The following GPC4 variants were observed in gnomAD, a reference collection of about 807,000 sequenced individuals.
The protein encoded by GPC4 is glypican-4.
In GPC4, 10 loss-of-function variants were observed where a neutral mutation model predicts 35.0. The ratio of observed to expected loss-of-function variants is 0.29; its 90% confidence interval spans 0.18 to 0.48. The LOEUF is 0.48. Among genes scored for constraint, GPC4 ranks in the 20% least tolerant of loss-of-function variants. The pLI, the probability that GPC4 is intolerant of heterozygous loss-of-function variation, is 0.99. For missense variants in GPC4, 322 were observed against 451.3 expected (o/e 0.71, Z 2.60); for synonymous variants, 167 against 170.2 (o/e 0.98, Z 0.15).
chrX:133,372,445 TA>T (rs1188129373), intron 1 of GPC4, among the ~76,000 whole-genome samples: 1 of 110,100 alleles, frequency 9.1e-6, no homozygotes, highest in Non-Finnish European at 1.9e-5. Context: ...TCCTTTTTCT[TA>T]TCAATTCCTT....
intron 3 of GPC4, among the ~76,000 whole-genome samples, chrX:133,312,230 G>A (rs5975392): frequency 0.43 from 46,694 of 109,831 alleles, 9,328 homozygotes; most frequent in African/African-American, 0.78. Context: ...TACAGGACAT[G>A]TCACTGCATC....
chrX:133,358,256 T>G (rs2068550886), intron 1 of GPC4, among the ~76,000 whole-genome samples: 1 of 112,422 alleles, frequency 8.9e-6, no homozygotes, highest in Non-Finnish European at 1.9e-5. Flanking sequence ...TTTCACATAG[T>G]CTGACTGAAT....
intron 1 of GPC4, among the ~76,000 whole-genome samples, chrX:133,344,111 C>T (rs1054615265): frequency 1.9e-5 from 2 of 106,868 alleles, no homozygotes; most frequent in Admixed American, 2.1e-4. Flanking sequence ...GATAGGTGCT[C>T]AGGCCAGCCC....
intron 3 of GPC4, among the ~76,000 whole-genome samples, chrX:133,316,580 T>C (rs144491309): frequency 3.5e-3 from 389 of 112,086 alleles, no homozygotes; most frequent in Admixed American, 6.8e-3. Flanking sequence ...ATTGACCAAA[T>C]GAATCAATTT....
rs201953438 is a variant in GPC4, at chrX:133,303,062, T to C, written c.1476A>G (p.Glu492=). Residue 492 remains glutamate, a synonymous_variant, in exon 9 of 9, where the codon GAA becomes GAG. Transcript: ENST00000370828. ...CACTTCCACTTCCTTCTCCACTACT[T>C]TCATCACCTAGTTTAAAAAAAAATG... ...NDVDFFDISD[E]SSGEGSGSGC... 7 of 1,210,947 alleles carry C rather than the reference T, an allele frequency of 5.8e-6. No individual in the cohort carries two copies. The highest frequency in any genetic ancestry group is 2.2e-6 in the Non-Finnish European group (2 of 895,016).
chrX:133,339,118 G>C, intron 2 of GPC4, 65 bp downstream of exon 2: 1 of 1,068,454 alleles, frequency 9.4e-7, no homozygotes, highest in Admixed American at 2.3e-5. Flanking sequence ...GGGAGCAGAG[G>C]AGCTGTGAAA....
At chrX:133,339,091 G>T in intron 2 of GPC4, 92 bp downstream of exon 2, 1 of 912,326 alleles carries the variant, frequency 1.1e-6, no homozygotes, top group Non-Finnish European at 1.5e-6. Context: ...CATCTTGGGA[G>T]AAAACTTAAG....
chrX:133,401,689 A>G (rs1191212304), intron 1 of GPC4, among the ~76,000 whole-genome samples: 1 of 112,010 alleles, frequency 8.9e-6, no homozygotes, highest in Non-Finnish European at 1.9e-5. Context: ...AGAGCCTCCC[A>G]GAATGTGTCC....
chrX:133,388,284 A>G (rs1281185311), intron 1 of GPC4, among the ~76,000 whole-genome samples: 1 of 112,317 alleles, frequency 8.9e-6, no homozygotes, highest in African/African-American at 3.2e-5. Flanking sequence ...TGTGCTTCAA[A>G]GCCTAACATA....
intron 1 of GPC4, among the ~76,000 whole-genome samples, chrX:133,386,247 A>AC (rs1392063044): frequency 1.9e-5 from 2 of 107,636 alleles, no homozygotes; most frequent in East Asian, 5.8e-4. Context: ...AAAAAAAAAA[A>AC]AAAAAAGATT....
intron 1 of GPC4, among the ~76,000 whole-genome samples, chrX:133,373,734 G>A (rs904625612): frequency 8.0e-5 from 9 of 111,937 alleles, no homozygotes; most frequent in Non-Finnish European, 1.5e-4. Flanking sequence ...TCTAGAATAG[G>A]AAAGGAGAGG....
intron 1 of GPC4, 63 bp downstream of exon 1, chrX:133,414,743 A>G (rs747877985): frequency 2.6e-6 from 3 of 1,157,886 alleles, no homozygotes; most frequent in Middle Eastern, 6.8e-4. Flanking sequence ...GGGGGAAGGG[A>G]GTTGCAGCCT....
At chrX:133,310,649 A>C (rs1048362103) in intron 4 of GPC4, among the ~76,000 whole-genome samples, 9 of 112,122 alleles carry the variant, frequency 8.0e-5, no homozygotes, top group African/African-American at 2.9e-4. Flanking sequence ...TGAATTTCTC[A>C]ATCAGATTTC....
intron 1 of GPC4, among the ~76,000 whole-genome samples, chrX:133,349,590 G>A (rs1254317570): frequency 8.9e-6 from 1 of 111,962 alleles, no homozygotes; most frequent in Non-Finnish European, 1.9e-5. Context: ...GCCTTCTTAC[G>A]TACATTTCAT....
rs185124426 is a variant in GPC4, at chrX:133,319,380, G to C, written c.711+4765C>G. 1.3e-4 allele frequency among the ~76,000 whole-genome samples: 13 copies of C among 98,075 alleles called. No homozygotes were observed. The East Asian group carries it at 2.9e-3, about 22-fold the overall frequency. The allele number at this position is 98,075 out of a possible 115,157, so 85.2% of individuals were successfully genotyped here. On this transcript the variant is annotated intron_variant, in intron 3 of 8. Transcript: ENST00000370828. ...GATTGCTTCAGTCCCAGAGATTGAG[G>C]CTGCAGTGAGCCATGATCACGCCAC...
At chrX:133,397,861 G>A (rs962120940) in intron 1 of GPC4, among the ~76,000 whole-genome samples, 6 of 111,704 alleles carry the variant, frequency 5.4e-5, no homozygotes, top group African/African-American at 2.0e-4. Context: ...AGGAGTTCGA[G>A]ACCAGCCTGA....
chrX:133,402,909 GAAA>G (rs11310772), intron 1 of GPC4, among the ~76,000 whole-genome samples: 1 of 67,086 alleles, frequency 1.5e-5, no homozygotes, highest in Non-Finnish European at 2.9e-5. Context: ...GTCTCAAAAG[GAAA>G]AAAAAAAAAA....
chrX:133,381,386 G>A (rs756773087), intron 1 of GPC4, among the ~76,000 whole-genome samples: 11 of 112,134 alleles, frequency 9.8e-5, no homozygotes, highest in Non-Finnish European at 1.9e-4. Context: ...GAAATAGGAG[G>A]TGAATGCAGG....
At chrX:133,355,470 C>G (rs916087810) in intron 1 of GPC4, among the ~76,000 whole-genome samples, 10 of 111,913 alleles carry the variant, frequency 8.9e-5, no homozygotes, top group African/African-American at 3.2e-4. Context: ...ACATAACACA[C>G]TATTACAAAA....
Sources: gnomAD v4.1 joint callset for allele counts (sites outside exome capture counted in the v4.1 genomes callset) on GRCh38, gnomAD v4.1.1 for gene constraint, MANE v1.5 for transcripts, NCBI Gene and HGNC (gene_info 2026-07-23, HGNC 2026-07-21) for gene names.